The following PCDHA10 variants were observed in gnomAD, a reference collection of about 807,000 sequenced individuals.
PCDHA10 encodes protocadherin alpha 10.
Under a neutral mutation model 61.2 loss-of-function variants are expected in PCDHA10, and 45 were observed. That is an observed-to-expected ratio of 0.74 (90% CI 0.58 to 0.94). PCDHA10 has a LOEUF of 0.94. Ranked by LOEUF, PCDHA10 falls within the 40% of genes least tolerant of loss-of-function variation. The pLI, the probability that PCDHA10 is intolerant of heterozygous loss-of-function variation, is 0.00. For missense variants in PCDHA10, 1,278 were observed against 1,236.2 expected (o/e 1.03, Z -0.51); for synonymous variants, 602 against 548.8 (o/e 1.10, Z -1.35).
In PCDHA10 at chr5:140,856,766, A is replaced by C; in HGVS notation, c.718A>C (p.Ile240Leu). 1.3e-6 allele frequency: 2 copies of C among 1,596,904 alleles called. No homozygotes were observed. Residue 240 changes from isoleucine to leucine, a missense_variant, in exon 1 of 4, where the codon ATC becomes CTC. By Grantham distance (5) the Ile-to-Leu change is conservative. Coordinates refer to ENST00000307360, the MANE Select transcript of PCDHA10 (RefSeq NM_018901.4). Reference protein sequence around the residue: ...LVLDANDNAPIFDRPVYEVKM... With the variant: ...LVLDANDNAPLFDRPVYEVKM... Reference sequence around the variant, plus strand: ...GTTAGATGCCAATGATAACGCCCCTATCTTTGACAGACCGGTTTATGAAGT... The same window carrying C: ...GTTAGATGCCAATGATAACGCCCCTCTCTTTGACAGACCGGTTTATGAAGT...
chr5:140,875,411 T>C, intron 1 of PCDHA10: 1 of 1,503,674 alleles, frequency 6.7e-7, no homozygotes, highest in Non-Finnish European at 8.9e-7. Context: ...GCTCATAAAA[T>C]ACCTCAGGCA....
chr5:140,967,104 A>T (rs374744732), intron 1 of PCDHA10: 3 of 1,613,028 alleles, frequency 1.9e-6, no homozygotes, highest in Non-Finnish European at 2.5e-6. Context: ...CTGTGTGAGC[A>T]GCGGCCTCGC....
At chr5:140,900,489 C>G (rs1429058590) in intron 1 of PCDHA10, among the ~76,000 whole-genome samples, 8 of 152,196 alleles carry the variant, frequency 5.3e-5, no homozygotes, top group African/African-American at 1.7e-4. Context: ...GTTGGTCAGA[C>G]TGGTCTCAAA....
chr5:140,935,894 CT>C (rs55841305), intron 1 of PCDHA10, among the ~76,000 whole-genome samples: 1,605 of 136,716 alleles, frequency 0.012, 14 homozygotes, highest in Non-Finnish European at 0.016. Context: ...TCAATATTAT[CT>C]TTTTTTTTTT....
intron 1 of PCDHA10, among the ~76,000 whole-genome samples, chr5:140,900,374 T>TCAAGAA (rs1554189115): frequency 1.3e-5 from 2 of 151,622 alleles, no homozygotes; most frequent in Non-Finnish European, 2.9e-5. Flanking sequence ...GCCTCCTGGG[T>TCAAGAA]TCAAGCGATT....
intron 1 of PCDHA10, chr5:140,875,488 C>G: frequency 3.7e-6 from 6 of 1,612,568 alleles, no homozygotes; most frequent in Non-Finnish European, 5.1e-6. Flanking sequence ...GATTATCGGA[C>G]CAAGAGGCCC....
chr5:140,883,844 G>A (rs1404353270), intron 1 of PCDHA10: 4 of 1,612,836 alleles, frequency 2.5e-6, no homozygotes, highest in East Asian at 2.2e-5. Context: ...GTTGGACCAC[G>A]AGGAGCTGGA....
At chr5:140,974,109 T>A (rs192229356) in intron 1 of PCDHA10, among the ~76,000 whole-genome samples, 366 of 152,368 alleles carry the variant, frequency 2.4e-3, no homozygotes, top group Non-Finnish European at 3.7e-3. Context: ...AAAAGTATTC[T>A]TTTGCAGTGT....
chr5:140,877,515 G>A (rs371100299), intron 1 of PCDHA10: 177 of 1,613,796 alleles, frequency 1.1e-4, no homozygotes, highest in Admixed American at 4.8e-4. Context: ...CGTCGTCGCG[G>A]GCCTCAGTGG....
chr5:140,982,488 G>C lies in PCDHA10; in HGVS notation c.2461G>C (p.Glu821Gln), dbSNP rs782419098. 3 of 1,614,212 alleles carry C rather than the reference G, an allele frequency of 1.9e-6. No individual in the cohort carries two copies. Among genetic ancestry groups the C allele is most frequent in the Non-Finnish European group, 2.5e-6 (3 of 1,180,036 alleles). The change falls in exon 3 of 4, where the codon GAG becomes CAG. Residue 821 changes from glutamate to glutamine, a missense_variant. Glu to Gln is a conservative substitution (Grantham distance 29). Coordinates refer to ENST00000307360, the MANE Select transcript of PCDHA10 (RefSeq NM_018901.4). ...RAGMHSSVHLEEAGILRAGPG... is the reference protein window; with the variant it reads ...RAGMHSSVHLQEAGILRAGPG... The stretch of plus-strand genomic sequence containing the variant: ...GTGTTTATTCAGCTCTGTGCACCTA[G>C]AGGAGGCTGGCATTCTACGGGCTGG...
At chr5:140,963,611 A>C (rs955529183) in intron 1 of PCDHA10, among the ~76,000 whole-genome samples, 1 of 152,208 alleles carries the variant, frequency 6.6e-6, no homozygotes, top group Admixed American at 6.5e-5. Context: ...TAATTGGGAA[A>C]GCTTAACTTT....
At chr5:140,892,561 A>T (rs766284976) in intron 1 of PCDHA10, among the ~76,000 whole-genome samples, 1 of 152,156 alleles carries the variant, frequency 6.6e-6, no homozygotes, top group Non-Finnish European at 1.5e-5. Context: ...GTCCTTGGAG[A>T]CTGTCAAAAG....
At chr5:140,867,423 A>G (rs1399312852) in intron 1 of PCDHA10, 14 of 152,182 alleles carry the variant, frequency 9.2e-5, no homozygotes, top group African/African-American at 3.4e-4. Flanking sequence ...TTTTTAATAC[A>G]GAATTTTGCA....
chr5:140,861,715 C>A, intron 1 of PCDHA10: 1 of 216,886 alleles, frequency 4.6e-6, no homozygotes, highest in South Asian at 7.0e-5. Flanking sequence ...ACGTCGGGGC[C>A]AATGCTCTGA....
In PCDHA10 at chr5:140,876,830, C is replaced by T. The variant is rs199585768; in HGVS notation, c.2388+18394C>T. The T allele has an allele frequency of 3.4e-4, 552 of 1,614,204 alleles. 1 individual carries two copies. Among genetic ancestry groups the T allele is most frequent in the South Asian group, 1.5e-3 (138 of 91,090 alleles). On this transcript the variant is annotated intron_variant, in intron 1 of 3. Coordinates refer to ENST00000307360, the MANE Select transcript of PCDHA10 (RefSeq NM_018901.4). ...GTGGCCGACGTGAACGACAATGCGC[C>T]TGCGTTCGCGCAGCCCGAGTACACA...
chr5:140,880,742 G>A, intron 1 of PCDHA10, among the ~76,000 whole-genome samples: 1 of 152,208 alleles, frequency 6.6e-6, no homozygotes, highest in East Asian at 1.9e-4. Flanking sequence ...AAAATGGATT[G>A]TCAGTGTAAC....
At chr5:140,926,986 C>T (rs782199565) in intron 1 of PCDHA10, 1 of 1,610,712 alleles carries the variant, frequency 6.2e-7, no homozygotes, top group Non-Finnish European at 8.5e-7. Flanking sequence ...GGAGACGGAG[C>T]GGGGCGTAGC....
At chr5:140,965,318 C>T (rs1397101710) in intron 1 of PCDHA10, among the ~76,000 whole-genome samples, 1 of 152,104 alleles carries the variant, frequency 6.6e-6, no homozygotes, top group Non-Finnish European at 1.5e-5. Flanking sequence ...TTCTCTTTTA[C>T]TGAAGTGAAT....
intron 1 of PCDHA10, among the ~76,000 whole-genome samples, chr5:140,900,589 C>T (rs782244593): frequency 1.5e-4 from 23 of 152,164 alleles, no homozygotes; most frequent in South Asian, 1.2e-3. Flanking sequence ...TTTCTTTACC[C>T]GTTCATCTGA....
Sources: gnomAD v4.1 joint callset for allele counts (sites outside exome capture counted in the v4.1 genomes callset) on GRCh38, gnomAD v4.1.1 for gene constraint, MANE v1.5 for transcripts, NCBI Gene and HGNC (gene_info 2026-07-23, HGNC 2026-07-21) for gene names.